TAB2: variants seen among roughly 807,000 people sequenced by gnomAD.
TAB2 encodes TGF-beta activated kinase 1 (MAP3K7) binding protein 2, also known as TGF-beta-activated kinase 1 and MAP3K7-binding protein 2.
TAB2 carries 3 observed loss-of-function variants against 65.0 expected under a neutral mutation model. The observed-to-expected ratio is 0.05, with a 90% CI of 0.02 to 0.12. TAB2 has a LOEUF of 0.12. Ranked by LOEUF, TAB2 falls within the 10% of genes least tolerant of loss-of-function variation. The pLI, the probability that TAB2 is intolerant of heterozygous loss-of-function variation, is 1.00. For missense variants in TAB2, 623 were observed against 840.3 expected (o/e 0.74, Z 3.20); for synonymous variants, 298 against 285.1 (o/e 1.05, Z -0.46).
At chr6:149,221,274 A>G (rs1207028309) in intron 1 of TAB2, 1 of 152,186 alleles carries the variant, frequency 6.6e-6, no homozygotes, top group Non-Finnish European at 1.5e-5. Context: ...GATTACTACA[A>G]TTAATTTCTA....
At chr6:149,255,551 G>A (rs968142145) in intron 1 of TAB2, 2 of 152,058 alleles carry the variant, frequency 1.3e-5, no homozygotes, top group African/African-American at 4.8e-5. Context: ...TATTTTTCCA[G>A]ATTTATCATA....
intron 1 of TAB2, among the ~76,000 whole-genome samples, chr6:149,356,782 C>G (rs1358384802): frequency 6.6e-6 from 1 of 152,130 alleles, no homozygotes; most frequent in Non-Finnish European, 1.5e-5. Flanking sequence ...ATCTGTAGAT[C>G]TTGACATCAG....
chr6:149,410,973 A>G lies in TAB2; in HGVS notation c.*1254A>G, dbSNP rs538925623. 6.5e-6 allele frequency: 1 copy of G among 152,706 alleles called. No homozygotes were observed. The highest frequency in any genetic ancestry group is 1.9e-4 in the East Asian group (1 of 5,184). The allele number at this position is 152,706 out of a possible 1,614,324, so 9.5% of individuals were successfully genotyped here. On this transcript the variant is annotated 3_prime_UTR_variant, in exon 7 of 7. Transcript: ENST00000637181. Reference sequence around the variant, plus strand: ...TGGTGACAGTATCATGTGTATTTATAAAACAAGGCTAGCCATATTTAGGAC... The same window carrying G: ...TGGTGACAGTATCATGTGTATTTATGAAACAAGGCTAGCCATATTTAGGAC...
intron 2 of TAB2, among the ~76,000 whole-genome samples, chr6:149,372,926 T>G (rs1199196318): frequency 6.6e-6 from 1 of 152,198 alleles, no homozygotes; most frequent in Non-Finnish European, 1.5e-5. Flanking sequence ...GACAGATCCT[T>G]CCTGCAGTAT....
At chr6:149,224,668 A>G (rs1214429401) in intron 1 of TAB2, among the ~76,000 whole-genome samples, 1 of 152,218 alleles carries the variant, frequency 6.6e-6, no homozygotes, top group Non-Finnish European at 1.5e-5. Flanking sequence ...GAGGTAAGGG[A>G]GAGCACAAAT....
At chr6:149,238,928 C>G (rs1052943915) in intron 1 of TAB2, among the ~76,000 whole-genome samples, 2 of 152,168 alleles carry the variant, frequency 1.3e-5, no homozygotes, top group African/African-American at 4.8e-5. Context: ...CTTGACAGAT[C>G]TAGGGCTGAG....
intron 1 of TAB2, among the ~76,000 whole-genome samples, chr6:149,249,241 A>G (rs1268527291): frequency 6.6e-6 from 1 of 152,106 alleles, no homozygotes; most frequent in Non-Finnish European, 1.5e-5. Context: ...AGCTTACAGC[A>G]GTGCCCAGGG....
intron 3 of TAB2, among the ~76,000 whole-genome samples, chr6:149,393,226 TA>T (rs1450489813): frequency 6.6e-6 from 1 of 152,194 alleles, no homozygotes; most frequent in Non-Finnish European, 1.5e-5. Flanking sequence ...CATTTCTAAG[TA>T]ATATAGTCAT....
chr6:149,309,861 A>AGT (rs1779137077), intron 1 of TAB2, among the ~76,000 whole-genome samples: 1 of 139,818 alleles, frequency 7.2e-6, no homozygotes, highest in African/African-American at 3.0e-5. Context: ...CCCAGGACAC[A>AGT]CTGTGTGTGT....
chr6:149,312,992 C>T (rs1779191434), upstream of TAB2, among the ~76,000 whole-genome samples: 1 of 151,996 alleles, frequency 6.6e-6, no homozygotes, highest in Admixed American at 6.5e-5. Flanking sequence ...TCCTTTTGTA[C>T]TCTCAATTTT....
intron 1 of TAB2, among the ~76,000 whole-genome samples, chr6:149,266,226 TCG>T (rs1778261881): frequency 6.6e-6 from 1 of 152,158 alleles, no homozygotes; most frequent in South Asian, 2.1e-4. Context: ...GTGTGAAATC[TCG>T]CAAAAAGGAG....
chr6:149,275,762 C>T (rs1462638366), intron 1 of TAB2, among the ~76,000 whole-genome samples: 1 of 152,190 alleles, frequency 6.6e-6, no homozygotes, highest in Non-Finnish European at 1.5e-5. Flanking sequence ...ATGAGACTCT[C>T]ACGTTGACTA....
At chr6:149,243,163 A>T (rs1177760873) in intron 1 of TAB2, 1 of 152,180 alleles carries the variant, frequency 6.6e-6, no homozygotes, top group Admixed American at 6.5e-5. Flanking sequence ...CAAAATTATT[A>T]TTATCTATGT....
Position 149,275,130 on chromosome 6 carries a change from T to TG in TAB2, c.-121+56354_-121+56355insG, listed in dbSNP as rs1412342961. 7.6e-5 allele frequency among the ~76,000 whole-genome samples: 9 copies of TG among 118,936 alleles called. 1 individual carries two copies. The highest frequency in any genetic ancestry group is 1.2e-4 in the Non-Finnish European group (7 of 60,074). 78.0% of individuals were successfully genotyped at this position (118,936 alleles called of 152,430 possible). A position where few individuals can be genotyped will look rare whatever the true frequency, so the allele number is the denominator to read the frequency against. On this transcript the variant is annotated intron_variant, in intron 1 of 1. Coordinates refer to the TAB2 transcript ENST00000606202. ...AATTTTTTTTCTCTTCTTCTGTTTT[T>TG]TTTTTTTTTTTTTGAGTTGGAGTCT...
In TAB2 at chr6:149,378,224, A is replaced by C. The variant is rs779842591; in HGVS notation, c.309A>C (p.Leu103=). The C allele has an allele frequency of 6.2e-7, 1 of 1,614,240 alleles. No individual in the cohort carries two copies. Among genetic ancestry groups the C allele is most frequent in the South Asian group, 1.1e-5 (1 of 91,088 alleles). ...GTAGGATGAATGGAAGTAGGACTCT[A>C]ACGCACAGCATTAGTGATGGACAAC... ...EGSRMNGSRT[L]THSISDGQLQ... is the part of the protein sequence containing the mutation. The change falls in exon 3 of 7, where the codon CTA becomes CTC. Residue 103 remains leucine, a synonymous_variant. Transcript: ENST00000637181.
At chr6:149,407,813 T>TGA (rs1782718479) in intron 6 of TAB2, among the ~76,000 whole-genome samples, 1 of 151,594 alleles carries the variant, frequency 6.6e-6, no homozygotes, top group African/African-American at 2.4e-5. Flanking sequence ...GTTTACCAAG[T>TGA]GAGATTATAA....
At chr6:149,275,246 A>G (rs1026940917) in intron 1 of TAB2, among the ~76,000 whole-genome samples, 1 of 113,784 alleles carries the variant, frequency 8.8e-6, no homozygotes, top group African/African-American at 3.3e-5. Flanking sequence ...GAAAGAAAGA[A>G]AGAAAGAAAG....
intron 1 of TAB2, among the ~76,000 whole-genome samples, chr6:149,328,387 G>A (rs1318418106): frequency 6.6e-6 from 1 of 152,158 alleles, no homozygotes; most frequent in African/African-American, 2.4e-5. Context: ...CCACCTCCCA[G>A]GTTCAAGCAA....
intron 1 of TAB2, among the ~76,000 whole-genome samples, chr6:149,332,737 A>G (rs1033900839): frequency 1.3e-5 from 2 of 152,198 alleles, no homozygotes; most frequent in Admixed American, 6.5e-5. Context: ...AAGATGAAAA[A>G]CAGGAATGTA....
Sources: allele counts gnomAD v4.1 joint callset (sites outside exome capture counted in the v4.1 genomes callset), GRCh38; gene constraint gnomAD v4.1.1; transcripts MANE v1.5; gene names NCBI Gene and HGNC (gene_info 2026-07-23, HGNC 2026-07-21).